SLCO4A1: variants seen among roughly 807,000 people sequenced by gnomAD.
The protein encoded by SLCO4A1 is solute carrier organic anion transporter family member 4A1.
SLCO4A1 carries 51 observed loss-of-function variants against 64.6 expected under a neutral mutation model. That is an observed-to-expected ratio of 0.79 (90% CI 0.63 to 1.00). SLCO4A1 has a LOEUF of 1.00. SLCO4A1 is among the 50% of genes least tolerant of loss of function. The pLI is 0.00. For synonymous variants in SLCO4A1, 471 were observed against 444.9 expected (o/e 1.06, Z -0.74); for missense variants, 919 against 980.5 (o/e 0.94, Z 0.84).
rs755189607 is a variant in SLCO4A1, at chr20:62,660,466, C to T, written c.942C>T (p.Phe314=). 2 of 1,602,906 alleles carry T rather than the reference C, an allele frequency of 1.2e-6. No individual in the cohort carries two copies. The highest frequency in any genetic ancestry group is 1.3e-5 in the African/African-American group (1 of 74,882). ...PLWVGAWWVG[F]LGSGAAAFFT... ...GGGTCGGCGCCTGGTGGGTCGGCTT[C>T]CTGGGCTCTGGGGCCGCTGCTTTCT... Residue 314 remains phenylalanine (F), a synonymous_variant, in exon 4 of 12, where the codon TTC becomes TTT. Coordinates refer to ENST00000217159, the MANE Select transcript of SLCO4A1 (RefSeq NM_016354.4).
Position 62,671,890 on chromosome 20 carries a change from C to G in SLCO4A1, c.2166C>G (p.Val722=), listed in dbSNP as rs367963044. ...SATDSQLQSS[V] ...CAGATAGCCAGCTCCAGAGCAGCGT[C>G]TGACCACCGCCCGCGCCCACCCGGC... The change falls in exon 12 of 12, where the codon GTC becomes GTG. Residue 722 remains valine, a synonymous_variant. Transcript: ENST00000217159. 1.2e-6 allele frequency: 2 copies of G among 1,610,910 alleles called. No individual in the cohort carries two copies. Among genetic ancestry groups the G allele is most frequent in the Non-Finnish European group, 1.7e-6 (2 of 1,180,014 alleles).
chr20:62,655,657 G>A (rs1305820452), intron 1 of SLCO4A1, among the ~76,000 whole-genome samples: 1 of 152,206 alleles, frequency 6.6e-6, no homozygotes, highest in Non-Finnish European at 1.5e-5. Context: ...TGGTCTACAT[G>A]GCTGCCGACT....
At chr20:62,647,647 C>G (rs1981595556) in intron 1 of SLCO4A1, among the ~76,000 whole-genome samples, 1 of 152,278 alleles carries the variant, frequency 6.6e-6, no homozygotes, top group Non-Finnish European at 1.5e-5. Flanking sequence ...TTTCCACGCA[C>G]TGCGCTGAGA....
At chr20:62,651,810 C>G (rs1405361032) in intron 1 of SLCO4A1, 1 of 152,280 alleles carries the variant, frequency 6.6e-6, no homozygotes, top group East Asian at 1.9e-4. Context: ...TCCCCCTTAC[C>G]TGCTTTGGCC....
rs1981059184 is a variant in SLCO4A1 at position 62,645,022 on chromosome 20, A to AG, written c.-97+2471dup. On this transcript the variant is annotated intron_variant, in intron 1 of 11. Coordinates refer to ENST00000217159, the MANE Select transcript of SLCO4A1 (RefSeq NM_016354.4). This position sits in a 1 kb window ranked among gnomAD's most constrained non-coding sequence, Gnocchi z 4.2. ...ATGACTGCCTCATTTGCAAGTGGCA[A>AG]GGTGCACACTGTTGGCTTTTGGACA... is the stretch of plus-strand genomic sequence containing the variant. Among the ~76,000 whole-genome samples the AG allele has an allele frequency of 6.6e-6, 1 of 152,374 alleles. No homozygotes were observed. Among genetic ancestry groups the AG allele is most frequent in the East Asian group, 1.9e-4 (1 of 5,186 alleles).
intron 1 of SLCO4A1, among the ~76,000 whole-genome samples, chr20:62,654,184 G>A (rs1301394959): frequency 6.6e-6 from 1 of 152,110 alleles, no homozygotes; most frequent in Non-Finnish European, 1.5e-5. Context: ...AGAGCGCCAC[G>A]CCCGTCTCTG....
At chr20:62,650,597 C>T (rs571372965) in intron 1 of SLCO4A1, 25 of 152,420 alleles carry the variant, frequency 1.6e-4, no homozygotes, top group African/African-American at 5.5e-4. Context: ...TTGGCCATCT[C>T]GGAAGCTAGC....
chr20:62,671,165 G>A (rs1210627281), intron 11 of SLCO4A1, among the ~76,000 whole-genome samples: 11 of 152,250 alleles, frequency 7.2e-5, no homozygotes, highest in Non-Finnish European at 5.9e-5. Context: ...CCCCGGCTGT[G>A]GTGGTGACCG....
At chr20:62,670,159 A>T (rs1987016876) in intron 11 of SLCO4A1, 1 of 152,200 alleles carries the variant, frequency 6.6e-6, no homozygotes, top group South Asian at 2.1e-4. Context: ...GGGATATTGG[A>T]TACTAAGGCC....
At chr20:62,659,627 A>G in intron 3 of SLCO4A1, among the ~76,000 whole-genome samples, 1 of 151,790 alleles carries the variant, frequency 6.6e-6, no homozygotes, top group East Asian at 1.9e-4. Flanking sequence ...CACTTTGCAC[A>G]AAGTGGGGAG....
At chr20:62,681,648 G>A (rs1395418375) in intron 2 of SLCO4A1, among the ~76,000 whole-genome samples, 1 of 152,140 alleles carries the variant, frequency 6.6e-6, no homozygotes, top group South Asian at 2.1e-4. Context: ...ATCCATGTAC[G>A]GGCTTTGTGT....
intron 2 of SLCO4A1, among the ~76,000 whole-genome samples, chr20:62,680,396 G>A (rs1000213019): frequency 1.3e-5 from 2 of 152,172 alleles, no homozygotes; most frequent in African/African-American, 4.8e-5. Flanking sequence ...CCAGTACAAT[G>A]TCAAATGGGA....
chr20:62,679,957 C>A (rs911135445), intron 2 of SLCO4A1, among the ~76,000 whole-genome samples: 2 of 152,174 alleles, frequency 1.3e-5, no homozygotes, highest in African/African-American at 4.8e-5. Flanking sequence ...ACCCTCTACA[C>A]GAAACAGAGA....
Position 62,658,867 on chromosome 20 carries a change from C to T in SLCO4A1, c.887+100C>T, listed in dbSNP as rs1009093471. The stretch of plus-strand genomic sequence containing the variant: ...GGCCCACTCTGAGTCAGGCCGGGCG[C>T]GGCGCAGGTGCTGGGCACCCCCCGG... On this transcript the variant is annotated intron_variant, in intron 3 of 11. Coordinates refer to ENST00000217159, the MANE Select transcript of SLCO4A1 (RefSeq NM_016354.4). 12 of 1,053,260 alleles carry T rather than the reference C, an allele frequency of 1.1e-5. No individual in the cohort carries two copies. In the Admixed American group the frequency reaches 1.3e-4, roughly 11 times the overall value. The allele number at this position is 1,053,260 out of a possible 1,614,324, so 65.2% of individuals were successfully genotyped here.
intron 10 of SLCO4A1, 83 bp from the exon 11 acceptor site, chr20:62,668,847 C>T: frequency 1.4e-6 from 2 of 1,385,424 alleles, no homozygotes; most frequent in Non-Finnish European, 2.0e-6. Context: ...CAGAGCCCAT[C>T]ATTCCAGGCC....
At position 62,669,386 on chromosome 20, in the gene SLCO4A1, C is replaced by T. The variant is rs773892413; in HGVS notation, c.2025+308C>T. Among the ~76,000 whole-genome samples, 5 of 152,222 alleles carry T rather than the reference C, an allele frequency of 3.3e-5. 1 individual carries two copies. Among genetic ancestry groups the T allele is most frequent in the South Asian group, 4.1e-4 (2 of 4,832 alleles). ...TCCACAGTGTGGTCTTGCACGTACC[C>T]GGGATGCCCGTTAACTAAAAGCTTT... is the stretch of plus-strand genomic sequence containing the variant. On this transcript the variant is annotated intron_variant, in intron 11 of 11. Transcript: ENST00000217159.
At chr20:62,650,499 G>A (rs976970216) in intron 1 of SLCO4A1, 5 of 152,260 alleles carry the variant, frequency 3.3e-5, no homozygotes, top group African/African-American at 9.6e-5. Flanking sequence ...CCGCCTTAAC[G>A]CGGACCAGAC....
intron 1 of SLCO4A1, among the ~76,000 whole-genome samples, chr20:62,647,154 A>G (rs143936585): frequency 1.1e-4 from 16 of 152,372 alleles, no homozygotes; most frequent in Non-Finnish European, 1.6e-4. Context: ...GCCTCAAGCT[A>G]AAGAAGTGAA....
At chr20:62,652,408 TTTCGGCG>T (rs1320681891) in intron 1 of SLCO4A1, among the ~76,000 whole-genome samples, 1 of 152,150 alleles carries the variant, frequency 6.6e-6, no homozygotes, top group Non-Finnish European at 1.5e-5. Flanking sequence ...TTGCTTTCTG[TTTCGGCG>T]GCCGGCGGCC....
Sources: gnomAD v4.1 joint callset for allele counts (sites outside exome capture counted in the v4.1 genomes callset) on GRCh38, gnomAD v4.1.1 for gene constraint, Gnocchi (gnomAD v3.1) non-coding constraint, MANE v1.5 for transcripts, NCBI Gene and HGNC (gene_info 2026-07-23, HGNC 2026-07-21) for gene names.